PTPRT: variants seen among roughly 807,000 people sequenced by gnomAD.
The protein encoded by PTPRT is receptor-type tyrosine-protein phosphatase T.
In PTPRT, 56 loss-of-function variants were observed where a neutral mutation model predicts 176.8. The observed-to-expected ratio is 0.32, with a 90% CI of 0.26 to 0.40. The LOEUF (loss-of-function observed/expected upper bound fraction) is 0.40, where lower values mean the gene tolerates loss of function less well. PTPRT is among the 10% of genes least tolerant of loss of function. The pLI is 1.00. For missense variants in PTPRT, 1,540 were observed against 1,908.2 expected (o/e 0.81, Z 3.60); for synonymous variants, 783 against 739.0 (o/e 1.06, Z -0.96).
intron 7 of PTPRT, among the ~76,000 whole-genome samples, chr20:42,624,204 T>C (rs992141954): frequency 3.9e-5 from 6 of 152,144 alleles, no homozygotes; most frequent in South Asian, 4.1e-4. Flanking sequence ...CAAGGCATTA[T>C]TTATAATAAT....
intron 7 of PTPRT, among the ~76,000 whole-genome samples, chr20:42,599,618 T>C (rs1601346286): frequency 6.6e-6 from 1 of 152,072 alleles, no homozygotes; most frequent in African/African-American, 2.4e-5. Flanking sequence ...AGTGGGATGA[T>C]TTTGTCCTTC....
intron 22 of PTPRT, among the ~76,000 whole-genome samples, chr20:42,114,848 A>G (rs1987189416): frequency 6.6e-6 from 1 of 151,694 alleles, no homozygotes. Flanking sequence ...TCTACCCTTC[A>G]CTGGTTCCTC....
At chr20:43,065,447 G>A (rs1404056365) in intron 1 of PTPRT, among the ~76,000 whole-genome samples, 1 of 152,208 alleles carries the variant, frequency 6.6e-6, no homozygotes, top group East Asian at 1.9e-4. Flanking sequence ...GCCTAGTAAA[G>A]TATTCTCACT....
intron 7 of PTPRT, among the ~76,000 whole-genome samples, chr20:42,504,110 T>A (rs1224100973): frequency 2.6e-5 from 4 of 152,166 alleles, no homozygotes; most frequent in Non-Finnish European, 5.9e-5. Context: ...AGGGGAATTG[T>A]GATTTATTCA....
intron 16 of PTPRT, among the ~76,000 whole-genome samples, chr20:42,176,316 T>C (rs567335740): frequency 6.6e-6 from 1 of 152,236 alleles, no homozygotes; most frequent in African/African-American, 2.4e-5. Context: ...CTCAGTTCCA[T>C]TTGCCTTGGT....
intron 13 of PTPRT, among the ~76,000 whole-genome samples, chr20:42,263,280 C>A (rs2056781914): frequency 1.3e-5 from 2 of 150,910 alleles, no homozygotes; most frequent in Admixed American, 6.6e-5. Flanking sequence ...AGTGCAGTGG[C>A]ATGAACATGG....
At chr20:42,865,854 C>A (rs1049686483) in intron 2 of PTPRT, among the ~76,000 whole-genome samples, 9 of 152,174 alleles carry the variant, frequency 5.9e-5, no homozygotes, top group Non-Finnish European at 1.2e-4. Context: ...CTGTCTTCCT[C>A]TAGGAATGCA....
At chr20:42,719,274 T>C (rs1244964980) in intron 6 of PTPRT, among the ~76,000 whole-genome samples, 1 of 152,066 alleles carries the variant, frequency 6.6e-6, no homozygotes, top group Non-Finnish European at 1.5e-5. Flanking sequence ...TGAGATTGGA[T>C]AGACTCACTC....
At chr20:42,408,778 T>G (rs1032621087) in intron 9 of PTPRT, among the ~76,000 whole-genome samples, 2 of 152,046 alleles carry the variant, frequency 1.3e-5, no homozygotes, top group Non-Finnish European at 2.9e-5. Flanking sequence ...TACTTGAGAG[T>G]GGGTAATTTA....
intron 1 of PTPRT, among the ~76,000 whole-genome samples, chr20:43,152,468 A>G (rs1478312925): frequency 6.6e-6 from 1 of 152,206 alleles, no homozygotes; most frequent in Non-Finnish European, 1.5e-5. Flanking sequence ...AGTGTAGCTT[A>G]GCCCATTTTT....
chr20:42,271,572 A>G (rs1048643643), intron 13 of PTPRT, among the ~76,000 whole-genome samples: 13 of 152,260 alleles, frequency 8.5e-5, no homozygotes, highest in African/African-American at 3.1e-4. Flanking sequence ...TGCCTGACAC[A>G]TAGTAGGTAC....
intron 14 of PTPRT, among the ~76,000 whole-genome samples, 179 bp from the exon 15 acceptor site, chr20:42,236,437 C>T (rs1288628119): frequency 6.6e-6 from 1 of 152,152 alleles, no homozygotes; most frequent in Non-Finnish European, 1.5e-5. Flanking sequence ...CACTGAGAAT[C>T]AGATATTTCC....
intron 11 of PTPRT, among the ~76,000 whole-genome samples, chr20:42,317,247 C>T (rs185747932): frequency 2.8e-4 from 42 of 152,298 alleles, no homozygotes; most frequent in African/African-American, 9.9e-4. Context: ...TAAGAAGATG[C>T]TAGTGTGTGA....
At chr20:42,979,244 C>CT (rs1983138056) in intron 1 of PTPRT, among the ~76,000 whole-genome samples, 1 of 151,898 alleles carries the variant, frequency 6.6e-6, no homozygotes, top group Non-Finnish European at 1.5e-5. Context: ...GTCAAGACAC[C>CT]TTTTTGTTGC....
chr20:42,793,166 C>T (rs1017947516), intron 2 of PTPRT, among the ~76,000 whole-genome samples: 29 of 152,130 alleles, frequency 1.9e-4, no homozygotes, highest in African/African-American at 6.3e-4. Flanking sequence ...ATCAGGTTTT[C>T]GCCATCCTAC....
intron 1 of PTPRT, among the ~76,000 whole-genome samples, chr20:42,999,533 G>T (rs1984414282): frequency 6.6e-6 from 1 of 152,050 alleles, no homozygotes; most frequent in Non-Finnish European, 1.5e-5. Context: ...AGGCACGTGG[G>T]CCACTGGAGG....
At chr20:42,515,770 C>T (rs933740494) in intron 7 of PTPRT, among the ~76,000 whole-genome samples, 3 of 151,870 alleles carry the variant, frequency 2.0e-5, no homozygotes, top group Admixed American at 1.3e-4. Flanking sequence ...ACCCAAAGGA[C>T]TATAAATCAT....
chr20:42,850,186 C>T (rs563304234), intron 2 of PTPRT, among the ~76,000 whole-genome samples: 6 of 152,150 alleles, frequency 3.9e-5, no homozygotes, highest in Non-Finnish European at 7.3e-5. Context: ...CTTTGTTCAC[C>T]GGGTTGAATT....
intron 1 of PTPRT, among the ~76,000 whole-genome samples, chr20:42,999,732 A>G (rs929776110): frequency 2.0e-5 from 3 of 151,972 alleles, no homozygotes; most frequent in Non-Finnish European, 4.4e-5. Flanking sequence ...ACTTGAGCCC[A>G]GGAATTTGTA....
Sources: allele counts gnomAD v4.1 joint callset (sites outside exome capture counted in the v4.1 genomes callset), GRCh38; gene constraint gnomAD v4.1.1; transcripts MANE v1.5; gene names NCBI Gene and HGNC (gene_info 2026-07-23, HGNC 2026-07-21).